Variants in DNAJC10 observed in about 807,000 individuals in gnomAD.
DNAJC10 encodes DnaJ heat shock protein family (Hsp40) member C10, also known as endoplasmic reticulum disulfide reductase DNAJC10.
Under a neutral mutation model 115.0 loss-of-function variants are expected in DNAJC10, and 101 were observed. The ratio of observed to expected loss-of-function variants is 0.88; its 90% CI spans 0.75 to 1.04. The LOEUF (loss-of-function observed/expected upper bound fraction) is 1.04. Ranked by LOEUF, DNAJC10 falls within the 50% of genes least tolerant of loss-of-function variation. The pLI is 0.00. For missense variants in DNAJC10, 981 were observed against 928.8 expected (o/e 1.06, Z -0.73); for synonymous variants, 307 against 301.5 (o/e 1.02, Z -0.19).
At chr2:182,728,021 T>C (rs909866513) in intron 5 of DNAJC10, among the ~76,000 whole-genome samples, 14 of 152,238 alleles carry the variant, frequency 9.2e-5, no homozygotes, top group African/African-American at 3.4e-4. Flanking sequence ...TCCAAGGTAA[T>C]GTCTTGTTTA....
intron 3 of DNAJC10, among the ~76,000 whole-genome samples, chr2:182,719,152 A>G (rs1465608997): frequency 1.3e-5 from 2 of 151,828 alleles, no homozygotes; most frequent in African/African-American, 2.4e-5. Context: ...ACCTTCTACC[A>G]TCCGAGTATT....
At chr2:182,727,963 A>G (rs1693333736) in intron 5 of DNAJC10, among the ~76,000 whole-genome samples, 1 of 152,238 alleles carries the variant, frequency 6.6e-6, no homozygotes, top group Admixed American at 6.5e-5. Context: ...AATATGTATT[A>G]ATGTTTTGAA....
At position 182,717,928 on chromosome 2, in the gene DNAJC10, T is replaced by C; in HGVS notation, c.-146-13T>C. On this transcript the variant is annotated splice_polypyrimidine_tract_variant and intron_variant, in intron 2 of 23. Transcript: ENST00000264065. ...TTCAAAATGTATTTTAACTGCCTGC[T>C]TTTCTTTCTTAGATTAATATTTTTG... 2.0e-6 allele frequency: 1 copy of C among 503,808 alleles called. No individual in the cohort carries two copies. The highest frequency in any genetic ancestry group is 3.9e-5 in the South Asian group (1 of 25,606). The allele number at this position is 503,808 out of a possible 1,614,324, so 31.2% of individuals were successfully genotyped here.
At chr2:182,733,415 C>T (rs1331120658) in intron 10 of DNAJC10, among the ~76,000 whole-genome samples, 1 of 151,750 alleles carries the variant, frequency 6.6e-6, no homozygotes, top group Non-Finnish European at 1.5e-5. Flanking sequence ...ATTAAAATCA[C>T]CTGAGGAGCT....
Position 182,717,983 on chromosome 2 carries a change from T to G in DNAJC10, c.-104T>G, listed in dbSNP as rs918250304. The G allele has an allele frequency of 2.7e-6, 2 of 739,634 alleles. No individual in the cohort carries two copies. Among genetic ancestry groups the G allele is most frequent in the Non-Finnish European group, 2.1e-6 (1 of 471,488 alleles). 45.8% of individuals were successfully genotyped at this position (739,634 alleles called of 1,614,324 possible). On this transcript the variant is annotated 5_prime_UTR_variant, in exon 3 of 24. Coordinates refer to ENST00000264065, the MANE Select transcript of DNAJC10 (RefSeq NM_018981.4). ...CAGATTTGTGATGCTTGATTCACCC[T>G]TGAAGTAATGTAGACAGAAGTTCTC...
chr2:182,754,860 T>G lies in DNAJC10; in HGVS notation c.1552-143T>G, dbSNP rs955094138. On this transcript the variant is annotated intron_variant, in intron 16 of 23. Coordinates refer to ENST00000264065, the MANE Select transcript of DNAJC10 (RefSeq NM_018981.4). Reference sequence around the variant, plus strand: ...ACCATAAGTCCTTTGCTAAATTTGGTGAGACTAAAATTTTTGTCACCAGAA... The same window carrying G: ...ACCATAAGTCCTTTGCTAAATTTGGGGAGACTAAAATTTTTGTCACCAGAA... 10 of 1,353,800 alleles carry G rather than the reference T, an allele frequency of 7.4e-6. No homozygotes were observed. The Admixed American group carries it at 8.1e-5, about 11-fold the overall frequency. The allele number at this position is 1,353,800 out of a possible 1,614,324, so 83.9% of individuals were successfully genotyped here.
chr2:182,734,879 C>T (rs150850996), intron 10 of DNAJC10, among the ~76,000 whole-genome samples: 127 of 151,662 alleles, frequency 8.4e-4, no homozygotes, highest in African/African-American at 2.9e-3. Context: ...ATAGCTACAC[C>T]AGCTTTCTTT....
intron 22 of DNAJC10, among the ~76,000 whole-genome samples, chr2:182,768,381 T>G (rs930059960): frequency 6.6e-6 from 1 of 152,154 alleles, no homozygotes; most frequent in African/African-American, 2.4e-5. Flanking sequence ...AACCATACCA[T>G]AGACAGAGCT....
In DNAJC10 at chr2:182,740,292, T is replaced by C. The variant is rs751548326; in HGVS notation, c.988-7T>C. ...AAAAAGATTACAATGTGATTTTCTTTTTCTAGTTTCTCAACTCATTGGATG... is the reference window on the plus strand; with the variant it reads ...AAAAAGATTACAATGTGATTTTCTTCTTCTAGTTTCTCAACTCATTGGATG... On this transcript the variant is annotated splice_region_variant and splice_polypyrimidine_tract_variant and intron_variant, in intron 11 of 23. Coordinates refer to ENST00000264065, the MANE Select transcript of DNAJC10 (RefSeq NM_018981.4). 3 of 1,402,308 alleles carry C rather than the reference T, an allele frequency of 2.1e-6. No homozygotes were observed. Among genetic ancestry groups the C allele is most frequent in the Non-Finnish European group, 2.9e-6 (3 of 1,038,974 alleles). 86.9% of individuals were successfully genotyped at this position (1,402,308 alleles called of 1,614,324 possible).
At chr2:182,720,990 T>C (rs2105606440) in intron 4 of DNAJC10, among the ~76,000 whole-genome samples, 1 of 152,080 alleles carries the variant, frequency 6.6e-6, no homozygotes, top group Middle Eastern at 3.4e-3. Context: ...GGACGAAAGG[T>C]GTTTTTTTTC....
rs983320921 is a variant in DNAJC10 at position 182,793,192 on chromosome 2, A to C, written c.*16060A>C. 8 of 152,558 alleles carry C rather than the reference A, an allele frequency of 5.2e-5. No individual in the cohort carries two copies. Among genetic ancestry groups the C allele is most frequent in the Non-Finnish European group, 7.3e-5 (5 of 68,252 alleles). 9.5% of individuals were successfully genotyped at this position (152,558 alleles called of 1,614,324 possible). A position where few individuals can be genotyped will look rare whatever the true frequency, so the allele number is the denominator to read the frequency against. ...AAGGCATGCTTGGCAGGTTCAAGGA[A>C]CAGCAGGGAGGCTCATGTGGCTGGA... On this transcript the variant is annotated 3_prime_UTR_variant, in exon 24 of 24. Coordinates refer to ENST00000264065, the MANE Select transcript of DNAJC10 (RefSeq NM_018981.4).
rs1694887386 is a variant in DNAJC10, at chr2:182,783,260, T to C, written c.*6128T>C. Reference sequence around the variant, plus strand: ...TTTGGAAAATATGAAATTGGAAACTTAGAAAACTTGAATTCTAAGTGGCTA... The same window carrying C: ...TTTGGAAAATATGAAATTGGAAACTCAGAAAACTTGAATTCTAAGTGGCTA... On this transcript the variant is annotated 3_prime_UTR_variant, in exon 24 of 24. Transcript: ENST00000264065. 1 of 152,180 alleles carries C rather than the reference T, an allele frequency of 6.6e-6. No homozygotes were observed. The highest frequency in any genetic ancestry group is 1.5e-5 in the Non-Finnish European group (1 of 68,038). The allele number at this position is 152,180 out of a possible 1,614,324, so 9.4% of individuals were successfully genotyped here. A position where few individuals can be genotyped will look rare whatever the true frequency, so the allele number is the denominator to read the frequency against.
At position 182,790,812 on chromosome 2, in the gene DNAJC10, A is replaced by T. The variant is rs1216597055; in HGVS notation, c.*13680A>T. On this transcript the variant is annotated 3_prime_UTR_variant, in exon 24 of 24. Coordinates refer to ENST00000264065, the MANE Select transcript of DNAJC10 (RefSeq NM_018981.4). Reference sequence around the variant, plus strand: ...CTCAAAAAAAAAAAAAAAAATTACAATAGTAATAATTATGCCTTCTAACAC... The same window carrying T: ...CTCAAAAAAAAAAAAAAAAATTACATTAGTAATAATTATGCCTTCTAACAC... 6.6e-6 allele frequency: 1 copy of T among 151,546 alleles called. No individual in the cohort carries two copies. The highest frequency in any genetic ancestry group is 1.5e-5 in the Non-Finnish European group (1 of 67,924). 9.4% of individuals were successfully genotyped at this position (151,546 alleles called of 1,614,324 possible).
Position 182,716,469 on chromosome 2 carries a change from C to T in DNAJC10, c.-218C>T, listed in dbSNP as rs981712109. ...ATGGGGGAGTAGCTACAGGAAGCGA[C>T]CCCGCGATGGCAAGGTGGGCATGGG... On this transcript the variant is annotated 5_prime_UTR_variant, in exon 1 of 24. Coordinates refer to ENST00000264065, the MANE Select transcript of DNAJC10 (RefSeq NM_018981.4). The T allele has an allele frequency of 6.6e-6, 1 of 152,586 alleles. No homozygotes were observed. Among genetic ancestry groups the T allele is most frequent in the East Asian group, 1.9e-4 (1 of 5,196 alleles). 9.5% of individuals were successfully genotyped at this position (152,586 alleles called of 1,614,324 possible). A position where few individuals can be genotyped will look rare whatever the true frequency, so the allele number is the denominator to read the frequency against.
intron 13 of DNAJC10, 37 bp downstream of exon 13, chr2:182,741,393 G>A (rs776488962): frequency 3.1e-5 from 32 of 1,045,760 alleles, no homozygotes; most frequent in Non-Finnish European, 3.6e-5. Flanking sequence ...TTCTGCTGGT[G>A]TACTTTGTTG....
Position 182,729,882 on chromosome 2 carries a change from A to G in DNAJC10, c.668A>G (p.Glu223Gly). 1 of 1,611,208 alleles carries G rather than the reference A, an allele frequency of 6.2e-7. No homozygotes were observed. Among genetic ancestry groups the G allele is most frequent in the Non-Finnish European group, 8.5e-7 (1 of 1,178,736 alleles). The change falls in exon 8 of 24, where the codon GAG becomes GGG. Residue 223 changes from glutamate (E) to glycine (G), a missense_variant. Glu to Gly is a moderately conservative substitution (Grantham distance 98). Coordinates refer to ENST00000264065, the MANE Select transcript of DNAJC10 (RefSeq NM_018981.4). ...AAATATCATGGAGACAGATCAAAGG[A>G]GAGTTTAGTGAGTTTTGCAATGCAG... Reference protein sequence around the residue: ...PVKYHGDRSKESLVSFAMQHV... With the variant: ...PVKYHGDRSKGSLVSFAMQHV...
chr2:182,755,156 AC>A, intron 17 of DNAJC10, 52 bp downstream of exon 17: 1 of 1,064,368 alleles, frequency 9.4e-7, no homozygotes, highest in Non-Finnish European at 1.5e-6. Flanking sequence ...TTCTATGTAA[AC>A]CCTGTATGAA....
chr2:182,738,057 A>G (rs1360081951), intron 11 of DNAJC10, among the ~76,000 whole-genome samples: 2 of 152,172 alleles, frequency 1.3e-5, no homozygotes, highest in African/African-American at 4.8e-5. Flanking sequence ...ATACTTTATC[A>G]TTTTATAAAT....
At chr2:182,720,380 A>G (rs1452784816) in intron 4 of DNAJC10, among the ~76,000 whole-genome samples, 1 of 152,202 alleles carries the variant, frequency 6.6e-6, no homozygotes, top group Admixed American at 6.5e-5. Context: ...ATCTTGTTAA[A>G]TACTTTTAAA....
Sources: allele counts gnomAD v4.1 joint callset (sites outside exome capture counted in the v4.1 genomes callset), GRCh38; gene constraint gnomAD v4.1.1; transcripts MANE v1.5; gene names NCBI Gene and HGNC (gene_info 2026-07-23, HGNC 2026-07-21).